FRMD4A: variants seen among roughly 807,000 people sequenced by gnomAD.
The protein encoded by FRMD4A is FERM domain containing 4A.
In FRMD4A, 29 loss-of-function variants were observed where a neutral mutation model predicts 129.1. The observed-to-expected ratio is 0.22, with a 90% confidence interval of 0.17 to 0.31. FRMD4A has a LOEUF of 0.31. FRMD4A is among the 10% of genes least tolerant of loss of function. The pLI, the probability that FRMD4A is intolerant of heterozygous loss-of-function variation, is 1.00. For synonymous variants in FRMD4A, 634 were observed against 571.6 expected, an observed-to-expected ratio of 1.11 and a Z score of -1.56; for missense variants, 1,272 against 1,375.8, an observed-to-expected ratio of 0.92 and a Z score of 1.19.
At chr10:14,248,296 A>C (rs17250220) in intron 2 of FRMD4A, among the ~76,000 whole-genome samples, 2,671 of 152,376 alleles carry the variant, frequency 0.018, 44 homozygotes, top group Non-Finnish European at 0.026. Context: ...GAACTCAAAG[A>C]TATAAATAAA....
intron 2 of FRMD4A, among the ~76,000 whole-genome samples, chr10:13,892,215 C>T (rs925907321): frequency 6.6e-6 from 1 of 152,112 alleles, no homozygotes; most frequent in African/African-American, 2.4e-5. Context: ...CAAAACCCAC[C>T]CAAAGCCACC....
At chr10:14,167,011 C>G (rs761606435) in intron 2 of FRMD4A, among the ~76,000 whole-genome samples, 3 of 152,032 alleles carry the variant, frequency 2.0e-5, no homozygotes, top group African/African-American at 7.2e-5. Flanking sequence ...AAGAAATAAA[C>G]CCTGGTGTCT....
At chr10:14,283,531 T>C (rs1233553600) in intron 2 of FRMD4A, among the ~76,000 whole-genome samples, 1 of 152,194 alleles carries the variant, frequency 6.6e-6, no homozygotes, top group East Asian at 1.9e-4. Flanking sequence ...AAAGAGACTA[T>C]GAAAAATAAA....
intron 2 of FRMD4A, among the ~76,000 whole-genome samples, chr10:14,220,502 G>T (rs758527309): frequency 1.3e-5 from 2 of 152,084 alleles, no homozygotes; most frequent in African/African-American, 2.4e-5. Flanking sequence ...TCTATCCCCC[G>T]CCTTGAGGCC....
chr10:13,666,033 C>A, intron 18 of FRMD4A, 64 bp downstream of exon 18: 1 of 917,952 alleles, frequency 1.1e-6, no homozygotes, highest in Admixed American at 1.7e-5. Context: ...CTCGTGGGAC[C>A]TGGCGTCTGG....
At chr10:13,858,404 C>T (rs1343667981) in intron 3 of FRMD4A, among the ~76,000 whole-genome samples, 1 of 152,218 alleles carries the variant, frequency 6.6e-6, no homozygotes, top group African/African-American at 2.4e-5. Flanking sequence ...CACTGCACTT[C>T]AGTCTGGGCA....
intron 24 of FRMD4A, chr10:13,647,505 AC>A (rs1221577114): frequency 2.0e-5 from 3 of 150,818 alleles, no homozygotes; most frequent in African/African-American, 7.5e-5. Context: ...CCTCCGTGAG[AC>A]CCCAGGGCTA....
At chr10:14,082,311 G>A (rs1025390658) in intron 2 of FRMD4A, among the ~76,000 whole-genome samples, 3 of 152,166 alleles carry the variant, frequency 2.0e-5, no homozygotes, top group African/African-American at 4.8e-5. Flanking sequence ...TTCTGCAAAA[G>A]ATGTGGAATC....
In FRMD4A at chr10:13,669,059, T is replaced by A. The variant is rs892987829; in HGVS notation, c.1374+1347A>T. ...AGGAACTGCCTAACTGAGCTTTAGTTTTTTTTTTTTTTTTTTTTTTTTTTG... is the reference window on the plus strand; with the variant it reads ...AGGAACTGCCTAACTGAGCTTTAGTATTTTTTTTTTTTTTTTTTTTTTTTG... On this transcript the variant is annotated intron_variant, in intron 17 of 24. Coordinates refer to ENST00000357447, the MANE Select transcript of FRMD4A (RefSeq NM_018027.5). Among the ~76,000 whole-genome samples, 34 of 17,184 alleles carry A rather than the reference T, an allele frequency of 2.0e-3. 2 individuals are homozygous for A. The highest frequency in any genetic ancestry group is 2.4e-3 in the South Asian group (1 of 424). 11.3% of individuals were successfully genotyped at this position (17,184 alleles called of 152,430 possible).
chr10:13,776,729 G>A (rs1588664343), intron 6 of FRMD4A, among the ~76,000 whole-genome samples: 1 of 152,180 alleles, frequency 6.6e-6, no homozygotes, highest in East Asian at 1.9e-4. Context: ...ACATACAGTA[G>A]GAACCGTTCC....
At chr10:14,085,205 C>A (rs1183958184) in intron 2 of FRMD4A, among the ~76,000 whole-genome samples, 1 of 152,138 alleles carries the variant, frequency 6.6e-6, no homozygotes, top group Non-Finnish European at 1.5e-5. Flanking sequence ...ATGGTTATGT[C>A]TAGGGATGTT....
chr10:14,065,876 C>T (rs1835030280), intron 2 of FRMD4A, among the ~76,000 whole-genome samples: 1 of 152,154 alleles, frequency 6.6e-6, no homozygotes, highest in Non-Finnish European at 1.5e-5. Flanking sequence ...GCATTCTTCT[C>T]TGCATGTAGC....
chr10:13,836,776 G>GT (rs2093881716), intron 3 of FRMD4A, among the ~76,000 whole-genome samples: 2 of 27,100 alleles, frequency 7.4e-5, no homozygotes, highest in Non-Finnish European at 1.6e-4. Context: ...TTTTTTTTTT[G>GT]AGACGGAGTC....
intron 2 of FRMD4A, among the ~76,000 whole-genome samples, chr10:14,093,142 C>A (rs1298587112): frequency 6.6e-6 from 1 of 152,128 alleles, no homozygotes; most frequent in Non-Finnish European, 1.5e-5. Context: ...CCTTCCTGAT[C>A]CCAGCAAGGT....
At chr10:14,044,463 G>T (rs1268662911) in intron 2 of FRMD4A, among the ~76,000 whole-genome samples, 1 of 152,166 alleles carries the variant, frequency 6.6e-6, no homozygotes, top group Non-Finnish European at 1.5e-5. Flanking sequence ...CCTGGATTAG[G>T]GTGGGCCCTA....
intron 3 of FRMD4A, among the ~76,000 whole-genome samples, chr10:13,813,211 G>A (rs551468980): frequency 7.2e-5 from 11 of 152,366 alleles, no homozygotes; most frequent in Middle Eastern, 3.4e-3. Flanking sequence ...TTGGGAGGCC[G>A]AGGTGGGCAG....
chr10:14,047,290 C>T (rs1001755514), intron 2 of FRMD4A, among the ~76,000 whole-genome samples: 11 of 152,140 alleles, frequency 7.2e-5, no homozygotes, highest in African/African-American at 1.4e-4. Context: ...ATATTGCCCA[C>T]GGTACCTGAT....
intron 15 of FRMD4A, chr10:13,684,871 GA>G (rs11315548): frequency 0.3 from 235,619 of 780,948 alleles, 4,681 homozygotes; most frequent in African/African-American, 0.39. Context: ...AGACCTTAGA[GA>G]AAAAAAAAAA....
intron 4 of FRMD4A, among the ~76,000 whole-genome samples, chr10:13,797,826 T>C (rs1479783392): frequency 6.6e-6 from 1 of 152,116 alleles, no homozygotes; most frequent in African/African-American, 2.4e-5. Flanking sequence ...TCTCAGCACA[T>C]GCTTAAACCT....
Sources: allele counts gnomAD v4.1 joint callset (sites outside exome capture counted in the v4.1 genomes callset), GRCh38; gene constraint gnomAD v4.1.1; transcripts MANE v1.5; gene names NCBI Gene and HGNC (gene_info 2026-07-23, HGNC 2026-07-21).